The following GALNT17 variants were observed in gnomAD, a reference collection of about 807,000 sequenced individuals.
The protein encoded by GALNT17 is polypeptide N-acetylgalactosaminyltransferase 17.
GALNT17 carries 29 observed loss-of-function variants against 63.7 expected under a neutral mutation model. That is an observed-to-expected ratio of 0.46 (90% CI 0.34 to 0.62). The LOEUF is 0.62. GALNT17 is among the 20% of genes least tolerant of loss of function. GALNT17 has a pLI of 0.01. For missense variants in GALNT17, 603 were observed against 799.6 expected, an observed-to-expected ratio of 0.75 and a Z score of 2.97; for synonymous variants, 305 against 318.3, an observed-to-expected ratio of 0.96 and a Z score of 0.45.
At chr7:71,346,291 A>G (rs1792094807) in intron 2 of GALNT17, among the ~76,000 whole-genome samples, 1 of 152,116 alleles carries the variant, frequency 6.6e-6, no homozygotes, top group African/African-American at 2.4e-5. Context: ...TCTTTTTCAC[A>G]GACTCACATG....
Position 71,636,685 on chromosome 7 carries a change from T to C in GALNT17, c.1081-28726T>C, listed in dbSNP as rs114391359. Among the ~76,000 whole-genome samples, 410 of 152,228 alleles carry C rather than the reference T, an allele frequency of 2.7e-3. 3 individuals are homozygous for C. Among genetic ancestry groups the C allele is most frequent in the African/African-American group, 9.6e-3 (400 of 41,522 alleles). On this transcript the variant is annotated intron_variant, in intron 6 of 10. Coordinates refer to ENST00000333538, the MANE Select transcript of GALNT17 (RefSeq NM_022479.3). ...TTCTCTGGCTGTATCAAGTGACCAG[T>C]TTAGGTTTGAGGACATACATTGATA...
At chr7:71,556,863 G>A (rs1254089649) in intron 5 of GALNT17, among the ~76,000 whole-genome samples, 1 of 152,024 alleles carries the variant, frequency 6.6e-6, no homozygotes, top group Non-Finnish European at 1.5e-5. Context: ...ACTGCGCCTG[G>A]CCCCCTTGAC....
In GALNT17 at chr7:71,132,572, G is replaced by A. The variant is rs1585825581; in HGVS notation, c.-231G>A. 1 of 534,266 alleles carries A rather than the reference G, an allele frequency of 1.9e-6. No individual in the cohort carries two copies. The highest frequency in any genetic ancestry group is 2.0e-5 in the African/African-American group (1 of 49,678). 33.1% of individuals were successfully genotyped at this position (534,266 alleles called of 1,614,324 possible). On this transcript the variant is annotated 5_prime_UTR_variant, in exon 1 of 11. Transcript: ENST00000333538. ...GCCGTGGACTGAGCAGGCGTCTCGGGGAGCACTTCTGCAGAGCGAGGACTT... is the reference window on the plus strand; with the variant it reads ...GCCGTGGACTGAGCAGGCGTCTCGGAGAGCACTTCTGCAGAGCGAGGACTT...
chr7:71,394,114 G>A (rs1563060755), intron 3 of GALNT17, among the ~76,000 whole-genome samples: 1 of 152,168 alleles, frequency 6.6e-6, no homozygotes, highest in African/African-American at 2.4e-5. Context: ...ACACGGTTCT[G>A]TAGACTGTAC....
intron 9 of GALNT17, among the ~76,000 whole-genome samples, chr7:71,683,285 G>A (rs1043097375): frequency 6.6e-6 from 1 of 151,984 alleles, no homozygotes; most frequent in South Asian, 2.1e-4. Context: ...CTGCCAGGCG[G>A]TCCCTCTACT....
At chr7:71,583,857 G>C (rs1789675489) in intron 6 of GALNT17, among the ~76,000 whole-genome samples, 1 of 152,092 alleles carries the variant, frequency 6.6e-6, no homozygotes, top group Non-Finnish European at 1.5e-5. Flanking sequence ...GGGCGCGGTG[G>C]CTCACGCCTG....
chr7:71,412,074 C>T (rs1160362964), intron 3 of GALNT17, among the ~76,000 whole-genome samples: 3 of 152,150 alleles, frequency 2.0e-5, no homozygotes, highest in African/African-American at 2.4e-5. Flanking sequence ...CTTGGAGTCC[C>T]GTCTGTACCG....
At chr7:71,174,143 C>G (rs1229261073) in intron 1 of GALNT17, among the ~76,000 whole-genome samples, 1 of 152,168 alleles carries the variant, frequency 6.6e-6, no homozygotes, top group African/African-American at 2.4e-5. Flanking sequence ...GTTTGGGATA[C>G]GTAACCCATA....
intron 5 of GALNT17, among the ~76,000 whole-genome samples, chr7:71,467,408 A>G (rs1444390640): frequency 6.6e-6 from 1 of 152,212 alleles, no homozygotes; most frequent in Non-Finnish European, 1.5e-5. Flanking sequence ...TGGAGTAAAT[A>G]TCAGTTGTCT....
intron 9 of GALNT17, among the ~76,000 whole-genome samples, chr7:71,687,194 T>G (rs532557436): frequency 2.0e-4 from 30 of 152,362 alleles, no homozygotes; most frequent in African/African-American, 7.2e-4. Context: ...ACGTTTCTTC[T>G]CTCAGTTAAT....
intron 1 of GALNT17, among the ~76,000 whole-genome samples, chr7:71,265,118 A>ATATT (rs1390488895): frequency 4.0e-4 from 15 of 37,456 alleles, no homozygotes; most frequent in African/African-American, 9.0e-4. Flanking sequence ...ATATATATAT[A>ATATT]TTTTTTTTTT....
chr7:71,691,853 C>A (rs1482337066), intron 9 of GALNT17, among the ~76,000 whole-genome samples: 1 of 145,814 alleles, frequency 6.9e-6, no homozygotes, highest in Non-Finnish European at 1.5e-5. Context: ...TTTTTTTAAT[C>A]TTTTCTTTCT....
intron 9 of GALNT17, among the ~76,000 whole-genome samples, chr7:71,707,561 C>T (rs2117125578): frequency 1.3e-5 from 2 of 152,256 alleles, no homozygotes; most frequent in South Asian, 4.1e-4. Context: ...TTTTATTGCT[C>T]ACGAGTCTAC....
At chr7:71,608,409 G>A (rs952607619) in intron 6 of GALNT17, among the ~76,000 whole-genome samples, 2 of 151,948 alleles carry the variant, frequency 1.3e-5, no homozygotes, top group African/African-American at 4.8e-5. Flanking sequence ...GGTGTCACGT[G>A]GACAGTCAGT....
intron 9 of GALNT17, among the ~76,000 whole-genome samples, chr7:71,677,558 AG>A (rs1323078405): frequency 6.7e-6 from 1 of 149,586 alleles, no homozygotes; most frequent in Non-Finnish European, 1.5e-5. Context: ...TCTGTCCTCC[AG>A]GCTGGAGTGC....
At chr7:71,484,069 G>A (rs4265077) in intron 5 of GALNT17, among the ~76,000 whole-genome samples, 1 of 152,150 alleles carries the variant, frequency 6.6e-6, no homozygotes, top group Non-Finnish European at 1.5e-5. Context: ...CCCTCCTGAA[G>A]GACTTGCCTG....
At chr7:71,411,333 T>A (rs1274061111) in intron 3 of GALNT17, among the ~76,000 whole-genome samples, 1 of 152,142 alleles carries the variant, frequency 6.6e-6, no homozygotes, top group African/African-American at 2.4e-5. Flanking sequence ...GTGGCTAGGC[T>A]GGTCTCGAAC....
intron 2 of GALNT17, among the ~76,000 whole-genome samples, chr7:71,367,186 C>T (rs1792528554): frequency 1.3e-5 from 2 of 152,188 alleles, no homozygotes; most frequent in Admixed American, 1.3e-4. Flanking sequence ...CTGCCGTAAT[C>T]TTATCCATCT....
chr7:71,691,759 G>GC (rs1292945510), intron 9 of GALNT17, among the ~76,000 whole-genome samples: 1 of 152,126 alleles, frequency 6.6e-6, no homozygotes, highest in Non-Finnish European at 1.5e-5. Context: ...TAGAGTGGTA[G>GC]CCATGTCACC....
Sources: allele counts gnomAD v4.1 joint callset (sites outside exome capture counted in the v4.1 genomes callset), GRCh38; gene constraint gnomAD v4.1.1; transcripts MANE v1.5; gene names NCBI Gene and HGNC (gene_info 2026-07-23, HGNC 2026-07-21).